Variants in DNAJB6 observed in about 807,000 individuals in gnomAD.
DNAJB6 encodes DnaJ heat shock protein family (Hsp40) member B6, also known as dnaJ homolog subfamily B member 6.
In DNAJB6, 16 loss-of-function variants were observed where a neutral mutation model predicts 42.7. The observed-to-expected ratio is 0.37, with a 90% CI of 0.25 to 0.57. The LOEUF (loss-of-function observed/expected upper bound fraction) is 0.57. Among genes scored for constraint, DNAJB6 ranks in the 20% least tolerant of loss-of-function variants. DNAJB6 has a pLI of 0.74. For synonymous variants in DNAJB6, 170 were observed against 163.5 expected (o/e 1.04, Z -0.30); for missense variants, 347 against 416.8 (o/e 0.83, Z 1.46).
intron 5 of DNAJB6, among the ~76,000 whole-genome samples, chr7:157,375,073 G>C (rs1018644228): frequency 3.3e-5 from 5 of 152,222 alleles, no homozygotes; most frequent in Admixed American, 2.6e-4. Context: ...GTAGGTGCAA[G>C]ATGTAGGAAG....
chr7:157,339,290 T>G (rs1401667939), intron 1 of DNAJB6, among the ~76,000 whole-genome samples: 51 of 123,234 alleles, frequency 4.1e-4, no homozygotes, highest in Non-Finnish European at 7.8e-4. Flanking sequence ...CCTTTTTTTT[T>G]TTTTTTTTTT....
intron 8 of DNAJB6, among the ~76,000 whole-genome samples, chr7:157,396,591 GC>G (rs1801595009): frequency 6.6e-6 from 1 of 152,204 alleles, no homozygotes; most frequent in African/African-American, 2.4e-5. Flanking sequence ...GCTGCAGTGC[GC>G]CCTGGGCCCC....
At chr7:157,378,883 TTAAA>T (rs1471616867) in intron 5 of DNAJB6, 3 of 152,216 alleles carry the variant, frequency 2.0e-5, no homozygotes, top group Non-Finnish European at 2.9e-5. Flanking sequence ...TAACTGGTCT[TTAAA>T]TATTATAAAT....
intron 1 of DNAJB6, among the ~76,000 whole-genome samples, chr7:157,340,479 A>G (rs1798303654): frequency 6.7e-6 from 1 of 148,890 alleles, no homozygotes; most frequent in Non-Finnish European, 1.5e-5. Flanking sequence ...ACGATGATGT[A>G]GGAATGGAAA....
intron 8 of DNAJB6, among the ~76,000 whole-genome samples, chr7:157,388,389 T>C (rs1801181254): frequency 6.6e-6 from 1 of 152,166 alleles, no homozygotes; most frequent in African/African-American, 2.4e-5. Flanking sequence ...TAATAGCATT[T>C]GATTTAAATT....
At chr7:157,354,510 C>A (rs1183870095) in intron 1 of DNAJB6, among the ~76,000 whole-genome samples, 2 of 151,568 alleles carry the variant, frequency 1.3e-5, no homozygotes, top group African/African-American at 4.9e-5. Context: ...AGACAGGTCT[C>A]GCTCTCACCC....
chr7:157,368,015 G>C (rs1438893890), intron 5 of DNAJB6, among the ~76,000 whole-genome samples: 1 of 152,160 alleles, frequency 6.6e-6, no homozygotes, highest in African/African-American at 2.4e-5. Context: ...TGTGGTCCCA[G>C]CTACTTGGGA....
intron 1 of DNAJB6, among the ~76,000 whole-genome samples, chr7:157,343,377 C>G (rs1798518237): frequency 6.6e-6 from 1 of 152,086 alleles, no homozygotes; most frequent in Non-Finnish European, 1.5e-5. Context: ...CCGGGCTGGT[C>G]TTGAACACCT....
chr7:157,391,721 G>A (rs1801352898), intron 8 of DNAJB6, among the ~76,000 whole-genome samples: 1 of 152,230 alleles, frequency 6.6e-6, no homozygotes, highest in Non-Finnish European at 1.5e-5. Flanking sequence ...TAAGGTATTT[G>A]TGTAGAGTCT....
Position 157,386,603 on chromosome 7 carries a change from C to A in DNAJB6, c.691+992C>A, listed in dbSNP as rs144344566. ...TTTGATGTAAGATCACTTACGGATC[C>A]GGGCGCGGTAGCTCAACGCCTGTAA... On this transcript the variant is annotated intron_variant, in intron 8 of 9. Transcript: ENST00000262177. Among the ~76,000 whole-genome samples, 83 of 116,450 alleles carry A rather than the reference C, an allele frequency of 7.1e-4. 1 individual carries two copies. The East Asian group carries it at 0.026, about 36-fold the overall frequency. 76.4% of individuals were successfully genotyped at this position (116,450 alleles called of 152,430 possible).
intron 8 of DNAJB6, among the ~76,000 whole-genome samples, chr7:157,392,063 C>T (rs1801369217): frequency 6.8e-6 from 1 of 146,368 alleles, no homozygotes; most frequent in African/African-American, 2.6e-5. Flanking sequence ...GATCGAGCCA[C>T]TGCACTCCAA....
At chr7:157,378,083 A>G (rs902799401) in intron 5 of DNAJB6, 5 of 152,236 alleles carry the variant, frequency 3.3e-5, no homozygotes, top group African/African-American at 1.2e-4. Flanking sequence ...CATAGATTAT[A>G]TATGACAAGT....
intron 8 of DNAJB6, chr7:157,386,039 A>G: frequency 1.0e-6 from 1 of 988,962 alleles, no homozygotes; most frequent in Non-Finnish European, 1.2e-6. Context: ...TGCCAGGACG[A>G]TTCTTCTACA....
At chr7:157,363,894 CTGTG>C (rs1266190897) in intron 3 of DNAJB6, among the ~76,000 whole-genome samples, 3 of 152,114 alleles carry the variant, frequency 2.0e-5, no homozygotes, top group African/African-American at 7.2e-5. Context: ...GAAGTAAAGG[CTGTG>C]CATGGGGCCT....
At chr7:157,400,129 G>A (rs1444432263) in intron 8 of DNAJB6, among the ~76,000 whole-genome samples, 2 of 148,158 alleles carry the variant, frequency 1.3e-5, no homozygotes, top group East Asian at 4.0e-4. Context: ...GTTTAATACA[G>A]TTGGTTTTGC....
intron 8 of DNAJB6, among the ~76,000 whole-genome samples, chr7:157,404,657 C>T (rs1029827636): frequency 6.6e-6 from 1 of 151,892 alleles, no homozygotes; most frequent in Non-Finnish European, 1.5e-5. Context: ...ACTACAGGCA[C>T]ACGCCACCAC....
intron 1 of DNAJB6, among the ~76,000 whole-genome samples, chr7:157,350,348 C>T (rs1314611872): frequency 1.3e-5 from 2 of 152,108 alleles, no homozygotes; most frequent in African/African-American, 4.8e-5. Flanking sequence ...AAGATAAAGC[C>T]CCCAAATATC....
intron 5 of DNAJB6, chr7:157,369,352 C>G (rs1359111168): frequency 2.2e-6 from 1 of 456,692 alleles, no homozygotes; most frequent in East Asian, 6.9e-5. Context: ...GCATTTGTTG[C>G]TTTGCAGGAC....
At chr7:157,410,251 G>A in intron 9 of DNAJB6, 24 of 864,678 alleles carry the variant, frequency 2.8e-5, no homozygotes, top group Non-Finnish European at 3.9e-5. Flanking sequence ...GTGTTGCTCC[G>A]CAAAGGATGA....
Sources: allele counts gnomAD v4.1 joint callset (sites outside exome capture counted in the v4.1 genomes callset), GRCh38; gene constraint gnomAD v4.1.1; transcripts MANE v1.5; gene names NCBI Gene and HGNC (gene_info 2026-07-23, HGNC 2026-07-21).